Variants in PDXDC1 observed in about 807,000 individuals in gnomAD.
PDXDC1 encodes pyridoxal dependent decarboxylase domain containing 1, also known as pyridoxal-dependent decarboxylase domain-containing protein 1.
PDXDC1 carries 42 observed loss-of-function variants against 100.1 expected under a neutral mutation model. The observed-to-expected ratio is 0.42, with a 90% confidence interval of 0.33 to 0.54. The LOEUF is 0.54. PDXDC1 is among the 20% of genes least tolerant of loss of function. The probability of loss-of-function intolerance (pLI) is 0.10; values close to 1 mark genes in which losing one functional copy is unlikely to be tolerated. For missense variants in PDXDC1, 636 were observed against 979.2 expected (o/e 0.65, Z 4.68); for synonymous variants, 260 against 371.7 (o/e 0.70, Z 3.46).
the PDXDC1 span, among the ~76,000 whole-genome samples, chr16:15,147,494 C>A: frequency 6.6e-6 from 1 of 152,186 alleles, no homozygotes; most frequent in African/African-American, 2.4e-5. Flanking sequence ...CAGGGCCCGG[C>A]GTGGCCACCG....
chr16:15,037,918 G>A lies in PDXDC1; in HGVS notation c.*1643G>A. 1 of 650,752 alleles carries A rather than the reference G, an allele frequency of 1.5e-6. No homozygotes were observed. The highest frequency in any genetic ancestry group is 2.7e-6 in the Non-Finnish European group (1 of 372,876). 40.3% of individuals were successfully genotyped at this position (650,752 alleles called of 1,614,324 possible). On this transcript the variant is annotated 3_prime_UTR_variant, in exon 23 of 23. Coordinates refer to ENST00000396410, the MANE Select transcript of PDXDC1 (RefSeq NM_015027.4). The stretch of plus-strand genomic sequence containing the variant: ...ATGAAAGTCATTTGAAAGACACTGA[G>A]GAGGGAAGGAGGCCTAAGACCCAAC...
chr16:15,047,646 T>C, intron 16 of PDXDC1: 1 of 1,009,484 alleles, frequency 9.9e-7, no homozygotes, highest in Non-Finnish European at 1.6e-6. Flanking sequence ...GCCTCATCTT[T>C]GAATATCCTG....
intron 16 of PDXDC1, chr16:15,125,965 C>T (rs1171353338): frequency 6.6e-6 from 4 of 603,488 alleles, no homozygotes; most frequent in African/African-American, 3.7e-5. Flanking sequence ...TCCGTGATGG[C>T]AGCCCCTCGC....
chr16:15,095,390 T>A (rs2046319392), intron 16 of PDXDC1, among the ~76,000 whole-genome samples: 1 of 151,728 alleles, frequency 6.6e-6, no homozygotes, highest in African/African-American at 2.4e-5. Context: ...ACAAAAAATT[T>A]AAAAAATAAA....
At chr16:15,079,137 A>G (rs1369811562) in intron 16 of PDXDC1, among the ~76,000 whole-genome samples, 1 of 150,472 alleles carries the variant, frequency 6.6e-6, no homozygotes, top group African/African-American at 2.4e-5. Context: ...ACTACCATTA[A>G]TGGCAACACC....
chr16:14,986,281 A>G (rs1969354406), intron 1 of PDXDC1, among the ~76,000 whole-genome samples: 1 of 152,296 alleles, frequency 6.6e-6, no homozygotes, highest in African/African-American at 2.4e-5. Context: ...GACCCGGCCA[A>G]CATGGTAAGA....
intron 16 of PDXDC1, among the ~76,000 whole-genome samples, chr16:15,082,667 T>TC (rs1347927057): frequency 6.7e-6 from 1 of 149,122 alleles, no homozygotes; most frequent in East Asian, 2.0e-4. Flanking sequence ...ACGGAGACTG[T>TC]CCCCCCACCC....
Position 15,134,030 on chromosome 16 carries a change from A to G in PDXDC1, c.1400-4849A>G, listed in dbSNP as rs1229858206. The stretch of plus-strand genomic sequence containing the variant: ...CGCTGCCCGTGGATGTGGTGGTCTC[A>G]TCCAGCACCAGTGTCTTGTTGCTGA... On this transcript the variant is annotated intron_variant, in intron 16 of 16. Coordinates refer to the PDXDC1 transcript ENST00000535621. 3 of 1,544,696 alleles carry G rather than the reference A, an allele frequency of 1.9e-6. No homozygotes were observed. In the African/African-American group the frequency reaches 4.1e-5, roughly 21 times the overall value.
At chr16:15,146,082 C>T in the PDXDC1 span, among the ~76,000 whole-genome samples, 1 of 152,152 alleles carries the variant, frequency 6.6e-6, no homozygotes, top group East Asian at 1.9e-4. Flanking sequence ...CTTGCAGATG[C>T]GGGACCCACA....
At chr16:14,993,626 G>A (rs1377606010) in intron 1 of PDXDC1, among the ~76,000 whole-genome samples, 3 of 152,274 alleles carry the variant, frequency 2.0e-5, no homozygotes, top group Non-Finnish European at 2.9e-5. Flanking sequence ...TCTTTATAGC[G>A]GCATGATTTA....
intron 16 of PDXDC1, among the ~76,000 whole-genome samples, chr16:15,063,973 AAAGT>A (rs1480980680): frequency 1.8e-4 from 28 of 152,284 alleles, no homozygotes; most frequent in African/African-American, 6.5e-4. Flanking sequence ...AATTTGCTGA[AAAGT>A]AAGTCTAGGA....
intron 16 of PDXDC1, among the ~76,000 whole-genome samples, chr16:15,073,258 A>G (rs1326956501): frequency 6.6e-6 from 1 of 152,202 alleles, no homozygotes; most frequent in Non-Finnish European, 1.5e-5. Flanking sequence ...CGGGAGTTCA[A>G]GGGCAGCCTG....
chr16:14,985,281 C>CTTTTT (rs769346480), intron 1 of PDXDC1, among the ~76,000 whole-genome samples: 56 of 114,488 alleles, frequency 4.9e-4, no homozygotes, highest in Non-Finnish European at 7.0e-4. Context: ...TGATAAACAA[C>CTTTTT]TTTTTTTTTT....
At chr16:15,101,658 G>T (rs1268432971) in intron 16 of PDXDC1, among the ~76,000 whole-genome samples, 1 of 148,980 alleles carries the variant, frequency 6.7e-6, no homozygotes, top group Non-Finnish European at 1.5e-5. Context: ...AACCTGGGAG[G>T]TGGAGGTTGC....
intron 16 of PDXDC1, chr16:15,130,226 T>C: frequency 6.4e-7 from 1 of 1,551,134 alleles, no homozygotes; most frequent in South Asian, 1.2e-5. Context: ...GTACATGGCT[T>C]GGGGGCACGA....
At position 15,038,094 on chromosome 16, in the gene PDXDC1, T is replaced by A. The variant is rs144197264; in HGVS notation, c.*1819T>A. On this transcript the variant is annotated 3_prime_UTR_variant, in exon 23 of 23. Transcript: ENST00000396410. ...CTTCATTTTTTTTGTAGAGTAGGGC[T>A]TTATTTCCAGAAAACAGTGTGTGAG... The A allele has an allele frequency of 1.2e-6, 2 of 1,612,650 alleles. No homozygotes were observed. The highest frequency in any genetic ancestry group is 1.7e-6 in the Non-Finnish European group (2 of 1,178,788).
intron 8 of PDXDC1, among the ~76,000 whole-genome samples, chr16:15,015,607 C>T (rs868437623): frequency 4.7e-4 from 72 of 152,300 alleles, no homozygotes; most frequent in Non-Finnish European, 8.2e-4. Context: ...ATCCCACCTA[C>T]TTGGGAGGCT....
intron 8 of PDXDC1, among the ~76,000 whole-genome samples, chr16:15,012,234 C>T (rs1298948222): frequency 6.6e-6 from 1 of 152,098 alleles, no homozygotes; most frequent in Non-Finnish European, 1.5e-5. Context: ...CTCCCGAGTA[C>T]CTGGGATTAC....
downstream of PDXDC1, chr16:15,041,487 A>G (rs2043814311): frequency 1.3e-6 from 1 of 752,844 alleles, no homozygotes; most frequent in Admixed American, 1.8e-5. Context: ...AGGCCATCCC[A>G]CCACAGGAAG....
Sources: allele counts gnomAD v4.1 joint callset (sites outside exome capture counted in the v4.1 genomes callset), GRCh38; gene constraint gnomAD v4.1.1; transcripts MANE v1.5; gene names NCBI Gene and HGNC (gene_info 2026-07-23, HGNC 2026-07-21).